KMT2C: variants seen among roughly 807,000 people sequenced by gnomAD.
KMT2C encodes lysine methyltransferase 2C.
In KMT2C, 88 loss-of-function variants were observed where a neutral mutation model predicts 507.9. That is an observed-to-expected ratio of 0.17 (90% confidence interval 0.15 to 0.21). The LOEUF (loss-of-function observed/expected upper bound fraction) is 0.21. KMT2C is among the 10% of genes least tolerant of loss of function. KMT2C has a pLI of 1.00. For synonymous variants in KMT2C, 2,049 were observed against 2,080.8 expected, an observed-to-expected ratio of 0.98 and a Z score of 0.42; for missense variants, 4,954 against 5,957.8, an observed-to-expected ratio of 0.83 and a Z score of 5.55.
intron 1 of KMT2C, chr7:152,367,455 C>A: frequency 1.3e-6 from 1 of 755,672 alleles, no homozygotes; most frequent in South Asian, 1.5e-5. Flanking sequence ...TGAGCTCAAA[C>A]AATCTACCCA....
intron 6 of KMT2C, among the ~76,000 whole-genome samples, chr7:152,297,648 T>A (rs2096528811): frequency 6.6e-6 from 1 of 152,312 alleles, no homozygotes; most frequent in South Asian, 2.1e-4. Context: ...CTCCTTCATA[T>A]CTGTCTAATA....
At chr7:152,210,760 G>A (rs1437837703) in intron 23 of KMT2C, among the ~76,000 whole-genome samples, 1 of 152,016 alleles carries the variant, frequency 6.6e-6, no homozygotes, top group Non-Finnish European at 1.5e-5. Context: ...TCCTCTGAGG[G>A]ATAATATAAG....
chr7:152,241,612 T>A (rs2095387401), intron 14 of KMT2C, among the ~76,000 whole-genome samples: 1 of 152,226 alleles, frequency 6.6e-6, no homozygotes, highest in Non-Finnish European at 1.5e-5. Context: ...TCTCATTGCA[T>A]CACCACCTAG....
intron 23 of KMT2C, among the ~76,000 whole-genome samples, chr7:152,209,330 G>A (rs893467331): frequency 6.6e-5 from 10 of 151,544 alleles, no homozygotes; most frequent in African/African-American, 2.4e-4. Flanking sequence ...GGTGGCTGGT[G>A]CCTGTAGTCC....
intron 2 of KMT2C, among the ~76,000 whole-genome samples, chr7:152,332,925 C>T (rs1222693017): frequency 2.0e-5 from 3 of 151,422 alleles, no homozygotes; most frequent in African/African-American, 7.3e-5. Flanking sequence ...AATAGACCAA[C>T]GGCAAAAGAA....
Position 152,176,276 on chromosome 7 carries a change from C to T in KMT2C, c.9177G>A (p.Leu3059=), listed in dbSNP as rs2129112746. 6.2e-7 allele frequency: 1 copy of T among 1,614,030 alleles called. No individual in the cohort carries two copies. Among genetic ancestry groups the T allele is most frequent in the East Asian group, 2.2e-5 (1 of 44,878 alleles). The change falls in exon 38 of 59, where the codon TTG becomes TTA. Residue 3059 remains leucine (L), a synonymous_variant. Coordinates refer to ENST00000262189, the MANE Select transcript of KMT2C (RefSeq NM_170606.3). ...EEQPLLLQDL[L]DQERQEQQQQ... ...GCTGCTGTTCTTGCCTTTCTTGATC[C>T]AAAAGATCCTGTAGAAGTAGAGGCT...
intron 44 of KMT2C, among the ~76,000 whole-genome samples, chr7:152,156,971 T>C (rs1009137655): frequency 1.6e-4 from 25 of 152,340 alleles, no homozygotes; most frequent in African/African-American, 6.0e-4. Context: ...AGACTTGGAA[T>C]CTACCAATAA....
intron 9 of KMT2C, among the ~76,000 whole-genome samples, chr7:152,253,876 C>T (rs1243054677): frequency 1.3e-5 from 2 of 152,188 alleles, no homozygotes; most frequent in East Asian, 3.8e-4. Flanking sequence ...GCCAAAACTA[C>T]TTCTGTGCCT....
chr7:152,271,072 ATAAC>A (rs559698321), intron 7 of KMT2C, among the ~76,000 whole-genome samples: 7 of 152,326 alleles, frequency 4.6e-5, no homozygotes, highest in Middle Eastern at 3.4e-3. Flanking sequence ...AGGAGGTAAA[ATAAC>A]TACCCTTTTT....
chr7:152,275,094 G>A (rs1481789996), intron 6 of KMT2C, among the ~76,000 whole-genome samples: 3 of 152,162 alleles, frequency 2.0e-5, no homozygotes, highest in Non-Finnish European at 4.4e-5. Context: ...AGGGACTACA[G>A]TAGTTAAAAT....
chr7:152,414,302 T>A (rs117118167), intron 1 of KMT2C, among the ~76,000 whole-genome samples: 1 of 139,212 alleles, frequency 7.2e-6, no homozygotes, highest in African/African-American at 2.7e-5. Flanking sequence ...GCCAAGGGGG[T>A]GCGGATCACC....
intron 1 of KMT2C, among the ~76,000 whole-genome samples, chr7:152,433,627 A>C (rs2097885872): frequency 6.6e-6 from 1 of 152,278 alleles, no homozygotes; most frequent in African/African-American, 2.4e-5. Flanking sequence ...CTCTCTACAG[A>C]CTTACATTTG....
intron 43 of KMT2C, among the ~76,000 whole-genome samples, chr7:152,159,650 A>T (rs2092326310): frequency 6.6e-6 from 1 of 152,240 alleles, no homozygotes; most frequent in Non-Finnish European, 1.5e-5. Context: ...TAATGGCCAC[A>T]TACTTAAAGT....
At chr7:152,369,224 G>A (rs1054663727) in intron 1 of KMT2C, among the ~76,000 whole-genome samples, 1 of 151,904 alleles carries the variant, frequency 6.6e-6, no homozygotes, top group African/African-American at 2.4e-5. Context: ...TTGGGAGGCT[G>A]AGGCAGGAGA....
rs532634086 is a variant in KMT2C at position 152,375,586 on chromosome 7, A to G, written c.162-16911T>C. Among the ~76,000 whole-genome samples, 14 of 151,522 alleles carry G rather than the reference A, an allele frequency of 9.2e-5. No homozygotes were observed. In the South Asian group the frequency reaches 2.7e-3, roughly 29 times the overall value. On this transcript the variant is annotated intron_variant, in intron 1 of 58. Coordinates refer to ENST00000262189, the MANE Select transcript of KMT2C (RefSeq NM_170606.3). ...TTTTTAGTAGAGACAGGGTTTCACC[A>G]TGCTGGCCAGGCTGGTCTCAAACTC...
At chr7:152,240,042 G>C (rs1273185597) in intron 14 of KMT2C, among the ~76,000 whole-genome samples, 2 of 151,918 alleles carry the variant, frequency 1.3e-5, no homozygotes, top group Admixed American at 6.6e-5. Flanking sequence ...CACACACATT[G>C]AAGTCCAGCA....
intron 6 of KMT2C, among the ~76,000 whole-genome samples, chr7:152,295,214 AAT>A (rs2096479424): frequency 6.6e-6 from 1 of 152,198 alleles, no homozygotes; most frequent in Non-Finnish European, 1.5e-5. Flanking sequence ...AGTAATCCTA[AAT>A]ATGTTTGTCT....
chr7:152,187,929 G>A (rs1242586050), intron 31 of KMT2C, 82 bp from the exon 32 acceptor site: 3 of 1,316,442 alleles, frequency 2.3e-6, no homozygotes, highest in Admixed American at 3.7e-5. Flanking sequence ...TGAACAACAT[G>A]GTTTTTAACT....
chr7:152,152,896 C>A lies in KMT2C; in HGVS notation c.12335G>T (p.Ser4112Ile), dbSNP rs780029434. The A allele has an allele frequency of 1.9e-6, 3 of 1,614,178 alleles. No homozygotes were observed. The highest frequency in any genetic ancestry group is 2.5e-6 in the Non-Finnish European group (3 of 1,180,024). Residue 4112 changes from serine to isoleucine, a missense_variant, in exon 49 of 59, where the codon AGC becomes ATC. Physicochemically the swap from Ser to Ile is moderately radical, Grantham distance 142. Around this residue, in one of 29 missense-constraint regions of KMT2C, gnomAD observed 417 missense variants for 461.1 expected, o/e 0.90. Transcript: ENST00000262189. ...ATCTGGAGCACTGCTAACCTCATAG[C>A]TGTTAGGGATTCGGACGTGAAGAAG... is the stretch of plus-strand genomic sequence containing the variant. ...SDLLHVRIPN[S>I]YEVSSAPDVP... is the part of the protein sequence containing the mutation.
Sources: gnomAD v4.1 joint callset for allele counts (sites outside exome capture counted in the v4.1 genomes callset) on GRCh38, gnomAD v4.1.1 for gene constraint, gnomAD v4.1.1 regional missense constraint, MANE v1.5 for transcripts, NCBI Gene and HGNC (gene_info 2026-07-23, HGNC 2026-07-21) for gene names.